Variants in ZFAT observed in about 807,000 individuals in gnomAD.
ZFAT encodes the protein zinc finger and AT-hook domain containing.
ZFAT carries 64 observed loss-of-function variants against 117.7 expected under a neutral mutation model. The ratio of observed to expected loss-of-function variants is 0.54; its 90% CI spans 0.44 to 0.67. The LOEUF is 0.67. Ranked by LOEUF, ZFAT falls within the 30% of genes least tolerant of loss-of-function variation. The pLI, the probability that ZFAT is intolerant of heterozygous loss-of-function variation, is 0.00. For missense variants in ZFAT, 1,433 were observed against 1,584.5 expected, an observed-to-expected ratio of 0.90 and a Z score of 1.62; for synonymous variants, 679 against 615.0, an observed-to-expected ratio of 1.10 and a Z score of -1.54.
intron 14 of ZFAT, among the ~76,000 whole-genome samples, chr8:134,511,948 G>A (rs1008728824): frequency 3.3e-5 from 5 of 152,104 alleles, no homozygotes; most frequent in African/African-American, 1.2e-4. Context: ...ACCACCCACT[G>A]AGCCCACACC....
At chr8:134,820,457 C>T in the ZFAT span, among the ~76,000 whole-genome samples, 8 of 152,340 alleles carry the variant, frequency 5.3e-5, no homozygotes, top group Admixed American at 1.3e-4. Flanking sequence ...CCAGTATCAT[C>T]GCTTGAACTA....
intron 2 of ZFAT, among the ~76,000 whole-genome samples, chr8:134,638,816 G>A (rs1451378478): frequency 3.3e-5 from 5 of 152,016 alleles, no homozygotes; most frequent in Middle Eastern, 3.4e-3. Flanking sequence ...GGTCTTCAAC[G>A]ATGAGACTTA....
At chr8:134,712,174 T>C (rs1341458018) in intron 1 of ZFAT, among the ~76,000 whole-genome samples, 1 of 152,212 alleles carries the variant, frequency 6.6e-6, no homozygotes, top group African/African-American at 2.4e-5. Flanking sequence ...AGTTAATTTT[T>C]AAAGCCCCAG....
At chr8:134,741,660 G>A in the ZFAT span, among the ~76,000 whole-genome samples, 1 of 151,762 alleles carries the variant, frequency 6.6e-6, no homozygotes, top group Non-Finnish European at 1.5e-5. Context: ...CCATCTATAC[G>A]CTGAGGCCTC....
At chr8:134,702,996 C>G (rs1213041234) in intron 1 of ZFAT, among the ~76,000 whole-genome samples, 2 of 152,192 alleles carry the variant, frequency 1.3e-5, no homozygotes, top group African/African-American at 2.4e-5. Context: ...TTATAAATTA[C>G]CCAGTCTCGG....
At chr8:134,603,417 T>C (rs1827660487) in intron 5 of ZFAT, among the ~76,000 whole-genome samples, 1 of 152,220 alleles carries the variant, frequency 6.6e-6, no homozygotes, top group South Asian at 2.1e-4. Context: ...TTAACAGGAC[T>C]AGTCTTAATG....
upstream of ZFAT, among the ~76,000 whole-genome samples, chr8:134,716,922 A>C (rs1318595562): frequency 2.0e-5 from 3 of 152,180 alleles, no homozygotes; most frequent in Non-Finnish European, 4.4e-5. Flanking sequence ...ATATTTGTGT[A>C]AGTTTCGAGG....
intron 13 of ZFAT, among the ~76,000 whole-genome samples, chr8:134,519,629 G>C (rs1586631494): frequency 6.6e-6 from 1 of 152,140 alleles, no homozygotes; most frequent in Non-Finnish European, 1.5e-5. Context: ...TATATGTATA[G>C]AGAGATACTT....
chr8:134,730,836 G>C, the ZFAT span, among the ~76,000 whole-genome samples: 1 of 152,226 alleles, frequency 6.6e-6, no homozygotes, highest in Non-Finnish European at 1.5e-5. Context: ...AAAGAAGCTA[G>C]AAATATTCTG....
At chr8:134,687,360 G>A (rs929098209) in intron 1 of ZFAT, among the ~76,000 whole-genome samples, 45 of 152,318 alleles carry the variant, frequency 3.0e-4, no homozygotes, top group African/African-American at 1.1e-3. Context: ...GCTATAATTA[G>A]GGCTGGGCCA....
intron 1 of ZFAT, among the ~76,000 whole-genome samples, chr8:134,700,744 C>T (rs1310102694): frequency 2.0e-5 from 3 of 152,212 alleles, no homozygotes; most frequent in Non-Finnish European, 4.4e-5. Flanking sequence ...TCTGCTCAAA[C>T]ATCATCCTGT....
chr8:134,709,325 G>A (rs1435935295), intron 1 of ZFAT, among the ~76,000 whole-genome samples: 3 of 152,212 alleles, frequency 2.0e-5, no homozygotes, highest in Non-Finnish European at 2.9e-5. Flanking sequence ...CCCATTTCCT[G>A]AATGCCATCA....
At chr8:134,651,500 T>C (rs753786451) in intron 2 of ZFAT, among the ~76,000 whole-genome samples, 5 of 152,360 alleles carry the variant, frequency 3.3e-5, no homozygotes, top group Admixed American at 1.3e-4. Flanking sequence ...ACTAACACCA[T>C]TGAATTTTGT....
rs57195425 is a variant in ZFAT at position 134,624,180 on chromosome 8, G to GCACACACA, written c.448+13273_448+13280dup. ...CTAACGTGCAGGCACATGTGCACAT[G>GCACACACA]CACACACACACACACACACACACAC... On this transcript the variant is annotated intron_variant, in intron 3 of 15. Coordinates refer to ENST00000377838, the MANE Select transcript of ZFAT (RefSeq NM_020863.4). Among the ~76,000 whole-genome samples, 375 of 146,280 alleles carry GCACACACA rather than the reference G, an allele frequency of 2.6e-3. 2 individuals are homozygous for GCACACACA. Among genetic ancestry groups the GCACACACA allele is most frequent in the African/African-American group, 8.5e-3 (332 of 38,900 alleles).
At chr8:134,687,957 G>A (rs984535709) in intron 1 of ZFAT, among the ~76,000 whole-genome samples, 15 of 152,152 alleles carry the variant, frequency 9.9e-5, no homozygotes, top group South Asian at 2.1e-4. Flanking sequence ...CGCTGAGCTC[G>A]GCTCAGAAGC....
intron 11 of ZFAT, among the ~76,000 whole-genome samples, chr8:134,558,884 G>A (rs1490479365): frequency 2.0e-5 from 3 of 152,198 alleles, no homozygotes; most frequent in Non-Finnish European, 4.4e-5. Context: ...TATAAGTGGT[G>A]CAGCCAGAAA....
chr8:134,527,400 C>G (rs556392468), intron 12 of ZFAT, among the ~76,000 whole-genome samples: 2 of 152,062 alleles, frequency 1.3e-5, no homozygotes, highest in Admixed American at 6.6e-5. Flanking sequence ...CTGACAGATA[C>G]GAATACGGAT....
At chr8:134,589,883 C>T (rs527393008) in intron 8 of ZFAT, among the ~76,000 whole-genome samples, 1 of 152,342 alleles carries the variant, frequency 6.6e-6, no homozygotes, top group South Asian at 2.1e-4. Context: ...AATGGTCTCT[C>T]CAACTCAAGG....
At chr8:134,581,513 A>C (rs1305448013) in intron 10 of ZFAT, among the ~76,000 whole-genome samples, 1 of 152,162 alleles carries the variant, frequency 6.6e-6, no homozygotes, top group African/African-American at 2.4e-5. Flanking sequence ...GTAGTGGAAA[A>C]AGTTGGCACT....
Sources: allele counts gnomAD v4.1 joint callset (sites outside exome capture counted in the v4.1 genomes callset), GRCh38; gene constraint gnomAD v4.1.1; transcripts MANE v1.5; gene names NCBI Gene and HGNC (gene_info 2026-07-23, HGNC 2026-07-21).